RAPGEF6: variants seen among roughly 807,000 people sequenced by gnomAD.
RAPGEF6 encodes Rap guanine nucleotide exchange factor 6.
A neutral mutation model predicts 171.4 loss-of-function variants in RAPGEF6; 56 were observed. The ratio of observed to expected loss-of-function variants is 0.33; its 90% CI spans 0.26 to 0.41. RAPGEF6 has a LOEUF of 0.41. Ranked by LOEUF, RAPGEF6 falls within the 10% of genes least tolerant of loss-of-function variation. RAPGEF6 has a pLI of 1.00. For synonymous variants in RAPGEF6, 692 were observed against 650.1 expected (o/e 1.06, Z -0.98); for missense variants, 1,674 against 1,921.4 (o/e 0.87, Z 2.41).
chr5:131,566,735 C>CTT (rs544613086), intron 4 of RAPGEF6, among the ~76,000 whole-genome samples: 8 of 143,266 alleles, frequency 5.6e-5, no homozygotes, highest in African/African-American at 1.5e-4. Flanking sequence ...GTTTCTTTTT[C>CTT]TTTTTTTTTT....
intron 1 of RAPGEF6, among the ~76,000 whole-genome samples, chr5:131,608,359 C>T (rs760020382): frequency 1.3e-4 from 20 of 152,046 alleles, no homozygotes; most frequent in Non-Finnish European, 2.4e-4. Context: ...AGATGCCAGC[C>T]GCCAAAAAAG....
chr5:131,431,838 A>C (rs914847736), intron 25 of RAPGEF6, among the ~76,000 whole-genome samples: 1 of 152,174 alleles, frequency 6.6e-6, no homozygotes, highest in Non-Finnish European at 1.5e-5. Context: ...AGTTGAAATG[A>C]ATAAGGTTAA....
chr5:131,524,120 C>T (rs1446409579), intron 6 of RAPGEF6, among the ~76,000 whole-genome samples: 2 of 151,962 alleles, frequency 1.3e-5, no homozygotes, highest in East Asian at 3.9e-4. Flanking sequence ...CTTAGCAGTC[C>T]TACAATGAAT....
At chr5:131,610,276 T>C (rs2150022901) in intron 1 of RAPGEF6, among the ~76,000 whole-genome samples, 1 of 152,336 alleles carries the variant, frequency 6.6e-6, no homozygotes, top group East Asian at 1.9e-4. Context: ...TTGCAGGTCC[T>C]GGTTCCAAAG....
chr5:131,620,520 G>A (rs1765534306), intron 1 of RAPGEF6, among the ~76,000 whole-genome samples: 1 of 152,108 alleles, frequency 6.6e-6, no homozygotes, highest in South Asian at 2.1e-4. Flanking sequence ...TGCAAATGAG[G>A]CAATTTAGAA....
chr5:131,430,174 C>T (rs924598526), intron 26 of RAPGEF6, among the ~76,000 whole-genome samples: 2 of 151,852 alleles, frequency 1.3e-5, no homozygotes, highest in Non-Finnish European at 2.9e-5. Context: ...AATGCGACAC[C>T]ATGACTGTTG....
At chr5:131,447,461 A>G (rs532522839) in intron 21 of RAPGEF6, 5 of 152,246 alleles carry the variant, frequency 3.3e-5, no homozygotes, top group African/African-American at 1.2e-4. Flanking sequence ...CAAACAAACT[A>G]CAGCTTCACC....
chr5:131,539,182 T>C (rs1220622942), intron 6 of RAPGEF6, among the ~76,000 whole-genome samples: 2 of 152,168 alleles, frequency 1.3e-5, no homozygotes, highest in African/African-American at 4.8e-5. Flanking sequence ...AAGATCCCAT[T>C]TGCAAACTTC....
At chr5:131,513,660 T>C (rs1038343354) in intron 7 of RAPGEF6, among the ~76,000 whole-genome samples, 4 of 152,152 alleles carry the variant, frequency 2.6e-5, no homozygotes, top group African/African-American at 7.2e-5. Flanking sequence ...AAGAACTTTT[T>C]TAGGAACCTT....
chr5:131,496,230 A>G (rs1756632882), intron 12 of RAPGEF6, among the ~76,000 whole-genome samples: 5 of 152,202 alleles, frequency 3.3e-5, no homozygotes, highest in Admixed American at 3.3e-4. Context: ...CTTTCATTAT[A>G]AACACTGTAA....
intron 4 of RAPGEF6, among the ~76,000 whole-genome samples, chr5:131,577,534 G>C (rs11949449): frequency 1.3e-4 from 20 of 151,982 alleles, no homozygotes; most frequent in African/African-American, 4.3e-4. Flanking sequence ...CAGGAAATTC[G>C]CCAGGCTGCT....
intron 1 of RAPGEF6, among the ~76,000 whole-genome samples, chr5:131,608,462 G>C (rs916998796): frequency 6.6e-6 from 1 of 152,072 alleles, no homozygotes; most frequent in African/African-American, 2.4e-5. Context: ...TCACATTCAG[G>C]AACAGCCTTA....
chr5:131,608,551 C>T (rs928882248), intron 1 of RAPGEF6, among the ~76,000 whole-genome samples: 1 of 152,182 alleles, frequency 6.6e-6, no homozygotes, highest in African/African-American at 2.4e-5. Context: ...AGGATAGCAG[C>T]TGCTATGGTT....
chr5:131,573,869 T>G (rs572430148), intron 4 of RAPGEF6, among the ~76,000 whole-genome samples: 1 of 152,062 alleles, frequency 6.6e-6, no homozygotes, highest in South Asian at 2.1e-4. Context: ...TAATATGCAT[T>G]TTATCACCCA....
intron 4 of RAPGEF6, among the ~76,000 whole-genome samples, chr5:131,571,441 TACAA>T: frequency 6.6e-6 from 1 of 152,198 alleles, no homozygotes. Flanking sequence ...ATCACTTACG[TACAA>T]AAATACTAAA....
At chr5:131,525,484 G>A (rs1758813380) in intron 6 of RAPGEF6, among the ~76,000 whole-genome samples, 1 of 152,110 alleles carries the variant, frequency 6.6e-6, no homozygotes, top group Non-Finnish European at 1.5e-5. Context: ...TGCTATATAT[G>A]AAAACCTGTG....
rs562783050 is a variant in RAPGEF6, at chr5:131,633,113, C to T, written c.69+1849G>A. Among the ~76,000 whole-genome samples the T allele has an allele frequency of 2.0e-5, 3 of 152,250 alleles. No homozygotes were observed. In the South Asian group the frequency reaches 6.2e-4, roughly 32 times the overall value. The stretch of plus-strand genomic sequence containing the variant: ...CTTTGGGAGGCCGAGGCGAGCGGAT[C>T]ATGATGTCAGGAGTTCAAGACAAGC... On this transcript the variant is annotated intron_variant, in intron 1 of 27. Coordinates refer to ENST00000509018, the MANE Select transcript of RAPGEF6 (RefSeq NM_016340.6).
intron 22 of RAPGEF6, among the ~76,000 whole-genome samples, chr5:131,445,493 C>CTGTGTGTGTGTGTGTGTGTGTG (rs11269268): frequency 0.015 from 2,136 of 147,288 alleles, 29 homozygotes; most frequent in Middle Eastern, 0.028. Context: ...AACTCACTCT[C>CTGTGTGTGTGTGTGTGTGTGTG]TGTGTGTGTG....
At chr5:131,599,909 T>C (rs1012112930) in intron 3 of RAPGEF6, among the ~76,000 whole-genome samples, 8 of 152,188 alleles carry the variant, frequency 5.3e-5, no homozygotes, top group African/African-American at 7.2e-5. Flanking sequence ...GATAGACCAA[T>C]TGTTTCTAAT....
Sources: gnomAD v4.1 joint callset for allele counts (sites outside exome capture counted in the v4.1 genomes callset) on GRCh38, gnomAD v4.1.1 for gene constraint, MANE v1.5 for transcripts, NCBI Gene and HGNC (gene_info 2026-07-23, HGNC 2026-07-21) for gene names.